XPO4: variants seen among roughly 807,000 people sequenced by gnomAD.
XPO4 encodes the protein exportin-4.
In XPO4, 39 loss-of-function variants were observed where a neutral mutation model predicts 143.0. The observed-to-expected ratio is 0.27, with a 90% CI of 0.21 to 0.36. The LOEUF is 0.36. Ranked by LOEUF, XPO4 falls within the 10% of genes least tolerant of loss-of-function variation. The pLI is 1.00. For synonymous variants in XPO4, 439 were observed against 474.0 expected (o/e 0.93, Z 0.96); for missense variants, 907 against 1,348.0 (o/e 0.67, Z 5.12).
At chr13:20,890,188 C>G (rs1320676550) in intron 1 of XPO4, among the ~76,000 whole-genome samples, 1 of 152,178 alleles carries the variant, frequency 6.6e-6, no homozygotes, top group Non-Finnish European at 1.5e-5. Flanking sequence ...GTGGCTTATG[C>G]CCGTCATCCC....
At chr13:20,822,064 T>C (rs1372417680) in intron 8 of XPO4, 68 bp downstream of exon 8, 6 of 1,508,600 alleles carry the variant, frequency 4.0e-6, no homozygotes. Context: ...CTAGTTTCTT[T>C]TTTTCTTCTA....
intron 6 of XPO4, among the ~76,000 whole-genome samples, chr13:20,828,864 T>A (rs1407113283): frequency 6.6e-6 from 1 of 152,194 alleles, no homozygotes; most frequent in East Asian, 1.9e-4. Flanking sequence ...GATCATGGTC[T>A]AAGGTCAATG....
chr13:20,848,813 C>G, intron 4 of XPO4: 1 of 985,176 alleles, frequency 1.0e-6, no homozygotes, highest in South Asian at 4.7e-5. Flanking sequence ...TAAATTTCTA[C>G]AAGACAATTT....
intron 9 of XPO4, among the ~76,000 whole-genome samples, chr13:20,815,894 C>T (rs2059643945): frequency 6.6e-6 from 1 of 152,176 alleles, no homozygotes; most frequent in African/African-American, 2.4e-5. Context: ...CCAGCAGCAT[C>T]TGCTTATAGA....
intron 1 of XPO4, 42 bp downstream of exon 1, chr13:20,902,628 G>T: frequency 6.6e-7 from 1 of 1,519,346 alleles, no homozygotes; most frequent in Admixed American, 2.1e-5. Flanking sequence ...GGCCGACCGG[G>T]GGCCCGCGAA....
At chr13:20,876,093 CAAA>C (rs11301411) in intron 1 of XPO4, among the ~76,000 whole-genome samples, 53 of 90,708 alleles carry the variant, frequency 5.8e-4, no homozygotes, top group African/African-American at 1.7e-3. Flanking sequence ...CTACTAAATA[CAAA>C]AAAAAAAAAA....
At chr13:20,895,853 A>G (rs2060564122) in intron 1 of XPO4, among the ~76,000 whole-genome samples, 2 of 152,178 alleles carry the variant, frequency 1.3e-5, no homozygotes, top group Admixed American at 1.3e-4. Flanking sequence ...GTTCCATAAA[A>G]TTCCATTATA....
At chr13:20,838,762 C>A (rs549948284) in intron 6 of XPO4, among the ~76,000 whole-genome samples, 6 of 152,062 alleles carry the variant, frequency 3.9e-5, no homozygotes, top group Admixed American at 6.5e-5. Context: ...GAAATGAAAC[C>A]CTAAGCCCAC....
At chr13:20,808,397 A>T (rs770367614) in intron 12 of XPO4, 39 bp downstream of exon 12, 1 of 1,489,144 alleles carries the variant, frequency 6.7e-7, no homozygotes, top group Admixed American at 1.9e-5. Flanking sequence ...TAAATTGCTC[A>T]GTTGGCAATT....
At chr13:20,869,513 T>C (rs1212920739) in intron 1 of XPO4, 3 of 966,958 alleles carry the variant, frequency 3.1e-6, no homozygotes, top group Non-Finnish European at 3.7e-6. Flanking sequence ...ATTCAAACCA[T>C]TGAATAAAGA....
chr13:20,793,921 G>A (rs570050610), intron 18 of XPO4, among the ~76,000 whole-genome samples: 1 of 152,188 alleles, frequency 6.6e-6, no homozygotes, highest in Non-Finnish European at 1.5e-5. Context: ...TGCTGGGGGA[G>A]GATCCTCCAT....
At chr13:20,840,396 T>G (rs985362731) in intron 6 of XPO4, among the ~76,000 whole-genome samples, 1 of 151,854 alleles carries the variant, frequency 6.6e-6, no homozygotes, top group Non-Finnish European at 1.5e-5. Flanking sequence ...TTTGTAGAGA[T>G]AGGGTTGTGC....
At chr13:20,889,300 TAC>T (rs1281834908) in intron 1 of XPO4, among the ~76,000 whole-genome samples, 1 of 152,240 alleles carries the variant, frequency 6.6e-6, no homozygotes, top group Non-Finnish European at 1.5e-5. Context: ...AGAAAGTTTC[TAC>T]AGACTGAACT....
At chr13:20,832,259 T>C (rs923334459) in intron 6 of XPO4, among the ~76,000 whole-genome samples, 3 of 152,202 alleles carry the variant, frequency 2.0e-5, no homozygotes, top group Non-Finnish European at 2.9e-5. Flanking sequence ...ACAAACAGCA[T>C]TGTCATTAAA....
chr13:20,861,775 C>CT (rs1566613499), intron 3 of XPO4, among the ~76,000 whole-genome samples: 9 of 123,208 alleles, frequency 7.3e-5, no homozygotes, highest in African/African-American at 2.2e-4. Context: ...GCACATTTCT[C>CT]TCTTTTTTTT....
At position 20,778,067 on chromosome 13, in the gene XPO4, G is replaced by A. The variant is rs952597474; in HGVS notation, c.*5655C>T. On this transcript the variant is annotated 3_prime_UTR_variant, in exon 23 of 23. Coordinates refer to ENST00000255305, the MANE Select transcript of XPO4 (RefSeq NM_022459.5). ...TTATAATCTAATCAGCCTGTCAAAG[G>A]CATCACTCATAAGCAACCGAATTGT... 3.9e-5 allele frequency: 6 copies of A among 152,128 alleles called. No individual in the cohort carries two copies. Among genetic ancestry groups the A allele is most frequent in the Non-Finnish European group, 8.8e-5 (6 of 68,032 alleles). The allele number at this position is 152,128 out of a possible 1,614,324, so 9.4% of individuals were successfully genotyped here.
At chr13:20,804,591 C>A (rs1052275430) in intron 13 of XPO4, among the ~76,000 whole-genome samples, 1 of 152,224 alleles carries the variant, frequency 6.6e-6, no homozygotes, top group African/African-American at 2.4e-5. Flanking sequence ...ACACTTCTAA[C>A]TGTATCCTCA....
At chr13:20,884,215 T>C (rs1404662903) in intron 1 of XPO4, among the ~76,000 whole-genome samples, 2 of 152,046 alleles carry the variant, frequency 1.3e-5, no homozygotes, top group African/African-American at 4.8e-5. Context: ...AATTGATTTG[T>C]CTCTCAAATA....
Position 20,825,883 on chromosome 13 carries a change from T to C in XPO4, c.840+1184A>G, listed in dbSNP as rs143818068. Among the ~76,000 whole-genome samples, 52 of 152,336 alleles carry C rather than the reference T, an allele frequency of 3.4e-4. No individual in the cohort carries two copies. The East Asian group carries it at 8.1e-3, about 24-fold the overall frequency. On this transcript the variant is annotated intron_variant, in intron 7 of 22. Coordinates refer to ENST00000255305, the MANE Select transcript of XPO4 (RefSeq NM_022459.5). Reference sequence around the variant, plus strand: ...TTCTATAGAAAATATCCTTTATATATACCCATGGATAGATAACCTTGTTCT... The same window carrying C: ...TTCTATAGAAAATATCCTTTATATACACCCATGGATAGATAACCTTGTTCT...
Sources: allele counts gnomAD v4.1 joint callset (sites outside exome capture counted in the v4.1 genomes callset), GRCh38; gene constraint gnomAD v4.1.1; transcripts MANE v1.5; gene names NCBI Gene and HGNC (gene_info 2026-07-23, HGNC 2026-07-21).